FAM107B: variants seen among roughly 807,000 people sequenced by gnomAD.
FAM107B encodes protein FAM107B.
Under a neutral mutation model 31.5 loss-of-function variants are expected in FAM107B, and 21 were observed. The ratio of observed to expected loss-of-function variants is 0.67; its 90% CI spans 0.47 to 0.96. The LOEUF (loss-of-function observed/expected upper bound fraction) is 0.96. FAM107B is among the 40% of genes least tolerant of loss of function. The pLI is 0.00. For synonymous variants in FAM107B, 157 were observed against 141.5 expected (o/e 1.11, Z -0.78); for missense variants, 452 against 377.1 (o/e 1.20, Z -1.64).
chr10:14,631,177 G>C (rs1853345267), intron 2 of FAM107B, among the ~76,000 whole-genome samples: 1 of 152,084 alleles, frequency 6.6e-6, no homozygotes, highest in Non-Finnish European at 1.5e-5. Context: ...TCTCACAGAT[G>C]AATCTCAGTG....
At chr10:14,625,785 T>C (rs1418506899) in intron 2 of FAM107B, among the ~76,000 whole-genome samples, 2 of 147,686 alleles carry the variant, frequency 1.4e-5, no homozygotes. Context: ...ATTAAATAAA[T>C]ATTCAAGAGT....
chr10:14,757,317 T>C (rs987476192), intron 1 of FAM107B, among the ~76,000 whole-genome samples: 2 of 144,478 alleles, frequency 1.4e-5, no homozygotes, highest in East Asian at 2.2e-4. Flanking sequence ...TTTTGCTGAC[T>C]GAAAAAAAAA....
At chr10:14,763,502 G>C (rs1240210622) in intron 1 of FAM107B, among the ~76,000 whole-genome samples, 1 of 152,060 alleles carries the variant, frequency 6.6e-6, no homozygotes, top group African/African-American at 2.4e-5. Context: ...GGTTTTGAAG[G>C]GTGAAAATAC....
At chr10:14,540,400 C>T (rs1001717351) in intron 2 of FAM107B, among the ~76,000 whole-genome samples, 5 of 152,244 alleles carry the variant, frequency 3.3e-5, no homozygotes, top group African/African-American at 1.2e-4. Flanking sequence ...TTTCTATCCG[C>T]ATGACAGTCC....
At chr10:14,710,161 CTAGGAGAACAGG>C in intron 1 of FAM107B, among the ~76,000 whole-genome samples, 1 of 152,174 alleles carries the variant, frequency 6.6e-6, no homozygotes, top group East Asian at 1.9e-4. Flanking sequence ...ACAGGGGAAA[CTAGGAGAACAGG>C]TAGGTAGGAA....
intron 2 of FAM107B, chr10:14,571,937 G>A (rs992627069): frequency 1.0e-6 from 1 of 985,296 alleles, no homozygotes; most frequent in African/African-American, 1.7e-5. Context: ...AGTAGATATA[G>A]GCAGGCTCCT....
Position 14,552,667 on chromosome 10 carries a change from T to C in FAM107B, c.470-22152A>G, listed in dbSNP as rs570498872. ...GCATGGGCAACATAGCCAAACTCCA[T>C]TTCTACTAAAAATACAAAAATTAGC... On this transcript the variant is annotated intron_variant, in intron 2 of 4. Transcript: ENST00000181796. 2.1e-4 allele frequency among the ~76,000 whole-genome samples: 32 copies of C among 152,188 alleles called. 1 individual carries two copies. The South Asian group carries it at 6.6e-3, about 32-fold the overall frequency.
intron 2 of FAM107B, among the ~76,000 whole-genome samples, chr10:14,545,047 G>A (rs576469694): frequency 1.9e-4 from 29 of 152,224 alleles, no homozygotes; most frequent in Middle Eastern, 3.4e-3. Flanking sequence ...GGGTGGGCCC[G>A]GCAACCTGTG....
intron 1 of FAM107B, among the ~76,000 whole-genome samples, chr10:14,747,120 G>A (rs565092172): frequency 6.6e-6 from 1 of 152,280 alleles, no homozygotes; most frequent in East Asian, 1.9e-4. Flanking sequence ...TGATGGTCTT[G>A]TGTTGCGTTT....
intron 1 of FAM107B, among the ~76,000 whole-genome samples, chr10:14,694,396 T>C (rs912973528): frequency 1.2e-4 from 19 of 152,360 alleles, no homozygotes; most frequent in Middle Eastern, 3.4e-3. Flanking sequence ...TTTGCCTTTT[T>C]TTCTGAGATG....
chr10:14,666,051 T>C (rs1854395818), intron 2 of FAM107B, among the ~76,000 whole-genome samples: 1 of 152,144 alleles, frequency 6.6e-6, no homozygotes, highest in South Asian at 2.1e-4. Context: ...TTTACTGAAT[T>C]ACTACTATGT....
At chr10:14,769,381 T>G (rs1228348304) in intron 1 of FAM107B, among the ~76,000 whole-genome samples, 1 of 148,524 alleles carries the variant, frequency 6.7e-6, no homozygotes, top group Non-Finnish European at 1.5e-5. Context: ...CAACTGACAT[T>G]TTTGTTTTTC....
At chr10:14,562,840 T>C (rs111659342) in intron 2 of FAM107B, among the ~76,000 whole-genome samples, 17 of 152,262 alleles carry the variant, frequency 1.1e-4, no homozygotes, top group Non-Finnish European at 1.8e-4. Context: ...CTAATTTCCA[T>C]GTTATTTCTC....
intron 1 of FAM107B, among the ~76,000 whole-genome samples, chr10:14,698,956 G>A (rs917561781): frequency 2.0e-5 from 3 of 152,144 alleles, no homozygotes; most frequent in Non-Finnish European, 4.4e-5. Flanking sequence ...ACGTGCTGTG[G>A]GGGTTCTCCA....
intron 1 of FAM107B, among the ~76,000 whole-genome samples, chr10:14,721,765 A>C (rs2131550041): frequency 6.6e-6 from 1 of 152,280 alleles, no homozygotes; most frequent in Non-Finnish European, 1.5e-5. Flanking sequence ...AGATGGGTAG[A>C]TTGCAAAAAT....
intron 1 of FAM107B, among the ~76,000 whole-genome samples, chr10:14,721,637 A>G (rs1855915172): frequency 6.6e-6 from 1 of 152,232 alleles, no homozygotes. Flanking sequence ...GGCTGCATAA[A>G]TGTCTTCTTT....
intron 2 of FAM107B, among the ~76,000 whole-genome samples, chr10:14,608,101 T>C: frequency 6.6e-6 from 1 of 152,212 alleles, no homozygotes; most frequent in East Asian, 1.9e-4. Context: ...GGTCATTTTG[T>C]TCATGCGTAA....
intron 2 of FAM107B, chr10:14,602,816 T>C (rs139351902): frequency 3.9e-5 from 6 of 152,348 alleles, no homozygotes; most frequent in African/African-American, 1.4e-4. Context: ...CCTGTTTCTT[T>C]CTTCTCCCTT....
chr10:14,555,870 A>G (rs914886100), intron 2 of FAM107B: 2 of 151,964 alleles, frequency 1.3e-5, no homozygotes, highest in African/African-American at 4.9e-5. Flanking sequence ...AGGACAGGCC[A>G]GTGCTAAACT....
Sources: gnomAD v4.1 joint callset for allele counts (sites outside exome capture counted in the v4.1 genomes callset) on GRCh38, gnomAD v4.1.1 for gene constraint, MANE v1.5 for transcripts, NCBI Gene and HGNC (gene_info 2026-07-23, HGNC 2026-07-21) for gene names.